The following AKAP12 variants were observed in gnomAD, a reference collection of about 807,000 sequenced individuals.
AKAP12 encodes A-kinase anchoring protein 12, also known as A-kinase anchor protein 12.
In AKAP12, 32 loss-of-function variants were observed where a neutral mutation model predicts 79.9. That is an observed-to-expected ratio of 0.40 (90% CI 0.30 to 0.54). AKAP12 has a LOEUF of 0.54. AKAP12 is among the 20% of genes least tolerant of loss of function. AKAP12 has a pLI of 0.48. For synonymous variants in AKAP12, 808 were observed against 857.0 expected (o/e 0.94, Z 1.00); for missense variants, 2,074 against 2,177.0 (o/e 0.95, Z 0.94).
At chr6:151,321,903 GTTTTT>G (rs11415941) in intron 3 of AKAP12, among the ~76,000 whole-genome samples, 7 of 67,358 alleles carry the variant, frequency 1.0e-4, no homozygotes, top group Non-Finnish European at 1.7e-4. Flanking sequence ...TCAGCTTTAT[GTTTTT>G]TTTTTTTTTT....
intron 2 of AKAP12, among the ~76,000 whole-genome samples, chr6:151,256,966 TTTAAA>T (rs759746868): frequency 5.5e-5 from 5 of 90,750 alleles, no homozygotes; most frequent in Non-Finnish European, 1.1e-4. Context: ...ATATATAAAC[TTTAAA>T]TTAACCAAAT....
chr6:151,348,414 G>T, intron 3 of AKAP12: 1 of 525,124 alleles, frequency 1.9e-6, no homozygotes. Flanking sequence ...TGAGACAGGA[G>T]GGTCACTTGA....
intron 3 of AKAP12, among the ~76,000 whole-genome samples, chr6:151,341,008 A>G (rs1467869201): frequency 1.3e-5 from 2 of 149,876 alleles, no homozygotes; most frequent in African/African-American, 4.9e-5. Flanking sequence ...TGCCTGCCAG[A>G]TTTCTCCATT....
intron 3 of AKAP12, chr6:151,320,011 G>A (rs1777337604): frequency 1.3e-5 from 2 of 152,208 alleles, no homozygotes; most frequent in South Asian, 4.1e-4. Context: ...GAAAATGAGA[G>A]GAGAGGAGGC....
chr6:151,251,245 A>G (rs1797168927), intron 2 of AKAP12, among the ~76,000 whole-genome samples: 1 of 152,214 alleles, frequency 6.6e-6, no homozygotes, highest in African/African-American at 2.4e-5. Context: ...CTGCAGAGGC[A>G]ATAGAGAGCC....
chr6:151,348,324 CAAAAA>C (rs3029381), intron 3 of AKAP12: 21,238 of 385,480 alleles, frequency 0.055, 45 homozygotes, highest in Non-Finnish European at 0.064. Flanking sequence ...GACTCTGTCT[CAAAAA>C]AAAAAAAAAA....
chr6:151,336,879 T>C lies in AKAP12; in HGVS notation c.320-11832T>C, dbSNP rs191041352. 1.5e-3 allele frequency among the ~76,000 whole-genome samples: 233 copies of C among 152,314 alleles called. 4 individuals are homozygous for C. Among genetic ancestry groups the C allele is most frequent in the African/African-American group, 5.4e-3 (223 of 41,574 alleles). On this transcript the variant is annotated intron_variant, in intron 3 of 4. Coordinates refer to ENST00000402676, the MANE Select transcript of AKAP12 (RefSeq NM_005100.4). ...TTTGTATGTCTTCTTTTGAGAAATG[T>C]CTAAGAACAGAGATTTTGCCCAAGG...
rs1778296262 is a variant in AKAP12, at chr6:151,351,727, G to A, written c.3336G>A (p.Val1112=). The change falls in exon 4 of 5, where the codon GTG becomes GTA. Residue 1112 remains valine, a synonymous_variant. Transcript: ENST00000402676. This position sits in a 1 kb window ranked among gnomAD's most constrained non-coding sequence, Gnocchi z 4.4. Reference sequence around the variant, plus strand: ...AGCCTTTTACACAAGGGAAGGTGGTGGGGCAGACCACCCCAGAAAGCTTTG... The same window carrying A: ...AGCCTTTTACACAAGGGAAGGTGGTAGGGCAGACCACCCCAGAAAGCTTTG... The part of the protein sequence containing the change: ...KTEPFTQGKV[V]GQTTPESFEK... 6.2e-7 allele frequency: 1 copy of A among 1,614,052 alleles called. No homozygotes were observed. The highest frequency in any genetic ancestry group is 8.5e-7 in the Non-Finnish European group (1 of 1,180,040).
intron 3 of AKAP12, among the ~76,000 whole-genome samples, chr6:151,307,989 T>C (rs1777011849): frequency 6.6e-6 from 1 of 151,686 alleles, no homozygotes; most frequent in Non-Finnish European, 1.5e-5. Flanking sequence ...GCTCCAGTGA[T>C]TCTCCTGCCT....
At chr6:151,323,807 G>A (rs1007238312) in intron 3 of AKAP12, 10 of 985,410 alleles carry the variant, frequency 1.0e-5, no homozygotes, top group Non-Finnish European at 1.1e-5. Context: ...ATTCTGCTCT[G>A]CAAGGGCAGA....
intron 2 of AKAP12, among the ~76,000 whole-genome samples, chr6:151,294,626 G>A (rs1436477777): frequency 6.6e-6 from 1 of 152,300 alleles, no homozygotes; most frequent in East Asian, 1.9e-4. Context: ...TTGGTAGGTG[G>A]TGCTTTTTAT....
At chr6:151,312,095 C>T (rs1160589805) in intron 3 of AKAP12, among the ~76,000 whole-genome samples, 1 of 152,158 alleles carries the variant, frequency 6.6e-6, no homozygotes, top group Non-Finnish European at 1.5e-5. Flanking sequence ...TTACAGCCCT[C>T]CACTCCTCCT....
chr6:151,248,887 T>C (rs1346725206), intron 2 of AKAP12, among the ~76,000 whole-genome samples: 4 of 151,798 alleles, frequency 2.6e-5, no homozygotes, highest in Admixed American at 1.3e-4. Context: ...CTCGGGAGGC[T>C]GAGGCAGGAG....
intron 3 of AKAP12, among the ~76,000 whole-genome samples, chr6:151,345,079 A>AT (rs1005975741): frequency 1.3e-4 from 19 of 148,654 alleles, no homozygotes; most frequent in Admixed American, 2.0e-4. Context: ...ACTAGTTATA[A>AT]TTTTTTTTTT....
intron 2 of AKAP12, among the ~76,000 whole-genome samples, chr6:151,284,709 C>G (rs1227265952): frequency 6.6e-6 from 1 of 152,158 alleles, no homozygotes; most frequent in Non-Finnish European, 1.5e-5. Flanking sequence ...TACTTTTTGC[C>G]TATTCAGATC....
chr6:151,337,447 G>A (rs965377950), intron 3 of AKAP12, among the ~76,000 whole-genome samples: 1 of 148,804 alleles, frequency 6.7e-6, no homozygotes, highest in African/African-American at 2.5e-5. Flanking sequence ...CCCAGGAGGC[G>A]GAGGTTGCAG....
chr6:151,324,757 A>G (rs1298051980), intron 3 of AKAP12: 7 of 985,306 alleles, frequency 7.1e-6, no homozygotes, highest in African/African-American at 1.7e-5. Flanking sequence ...AAAAAATTGG[A>G]GTACAAAAAA....
At chr6:151,267,935 A>G (rs1379037030) in intron 2 of AKAP12, among the ~76,000 whole-genome samples, 1 of 152,176 alleles carries the variant, frequency 6.6e-6, no homozygotes, top group Non-Finnish European at 1.5e-5. Flanking sequence ...GTTTGCTGAT[A>G]GAGTGGGCTG....
In AKAP12 at chr6:151,252,732, G is replaced by GGAAAAA. The variant is rs1357356762; in HGVS notation, c.162+12008_162+12009insGAAAAA. ...AAGATACCAAGACCCCTGTCTCTGG[G>GGAAAAA]AAAAAAAAAAAAAAAAAAAAAAGAT... On this transcript the variant is annotated intron_variant, in intron 2 of 4. Transcript: ENST00000402676. 1.1e-3 allele frequency among the ~76,000 whole-genome samples: 101 copies of GGAAAAA among 95,804 alleles called. 3 individuals are homozygous for GGAAAAA. In the East Asian group the frequency reaches 0.016, roughly 15 times the overall value. The allele number at this position is 95,804 out of a possible 152,430, so 62.9% of individuals were successfully genotyped here.
Sources: gnomAD v4.1 joint callset for allele counts (sites outside exome capture counted in the v4.1 genomes callset) on GRCh38, gnomAD v4.1.1 for gene constraint, Gnocchi (gnomAD v3.1) non-coding constraint, MANE v1.5 for transcripts, NCBI Gene and HGNC (gene_info 2026-07-23, HGNC 2026-07-21) for gene names.